The following ECD variants were observed in gnomAD, a reference collection of about 807,000 sequenced individuals.
The protein encoded by ECD is protein ecdysoneless homolog.
Under a neutral mutation model 77.2 loss-of-function variants are expected in ECD, and 59 were observed. The observed-to-expected ratio is 0.76, with a 90% CI of 0.62 to 0.95. The LOEUF is 0.95. Among genes scored for constraint, ECD ranks in the 40% least tolerant of loss-of-function variants. The pLI, the probability that ECD is intolerant of heterozygous loss-of-function variation, is 0.00. For missense variants in ECD, 704 were observed against 763.4 expected (o/e 0.92, Z 0.92); for synonymous variants, 233 against 267.4 (o/e 0.87, Z 1.26).
At chr10:73,140,893 T>C (rs1364391557) in intron 9 of ECD, among the ~76,000 whole-genome samples, 2 of 151,446 alleles carry the variant, frequency 1.3e-5, no homozygotes, top group East Asian at 1.9e-4. Context: ...ATAGTACATA[T>C]ACATATAAAA....
chr10:73,138,014 T>G lies in ECD; in HGVS notation c.1478A>C (p.Asp493Ala), dbSNP rs1262544427. The change falls in exon 12 of 14, where the codon GAT (aspartate) becomes GCT (alanine). Residue 493 changes from aspartate (D) to alanine (A), a missense_variant. Coordinates refer to ENST00000372979, the MANE Select transcript of ECD (RefSeq NM_007265.3). ...FDADSFLNYF[D>A]KILGPRPNES... is the part of the protein sequence containing the mutation. ...ACACCACTACTTACCTAAAATCTTATCAAAATAATTAAGAAAAGAATCTGC... is the reference window on the plus strand; with the variant it reads ...ACACCACTACTTACCTAAAATCTTAGCAAAATAATTAAGAAAAGAATCTGC... The G allele has an allele frequency of 1.9e-6, 3 of 1,595,560 alleles. No individual in the cohort carries two copies. In the Admixed American group the frequency reaches 5.3e-5, roughly 28 times the overall value.
At chr10:73,143,817 C>T (rs1319200283) in intron 9 of ECD, among the ~76,000 whole-genome samples, 25 of 137,890 alleles carry the variant, frequency 1.8e-4, no homozygotes, top group East Asian at 1.1e-3. Flanking sequence ...CATTACTGTA[C>T]GTATTTATAA....
chr10:73,167,550 C>G (rs1051713332), intron 1 of ECD, among the ~76,000 whole-genome samples: 1 of 152,084 alleles, frequency 6.6e-6, no homozygotes, highest in African/African-American at 2.4e-5. Context: ...CGTAAGGAAC[C>G]TGCTTCTTCT....
At chr10:73,160,326 A>C in intron 3 of ECD, 108 bp downstream of exon 3, 1 of 718,480 alleles carries the variant, frequency 1.4e-6, no homozygotes, top group Non-Finnish European at 2.1e-6. Context: ...AAATCTGTAC[A>C]ATTTCCAGCA....
Position 73,163,784 on chromosome 10 carries a change from G to A in ECD, c.154C>T (p.Pro52Ser), listed in dbSNP as rs1251394681. The change falls in exon 2 of 14, where the codon CCC (proline) becomes TCC (serine). Residue 52 changes from proline (P) to serine (S), a missense_variant. Coordinates refer to ENST00000372979, the MANE Select transcript of ECD (RefSeq NM_007265.3). ...AAAGGCTGATTCTGCCAGATGTAGG[G>A]GACCAGCATAGGTGCAAACCGAGTG... ...IITRFAPMLV[P>S]YIWQNQPFNL... is the part of the protein sequence containing the mutation. 1 of 1,614,100 alleles carries A rather than the reference G, an allele frequency of 6.2e-7. No individual in the cohort carries two copies. The highest frequency in any genetic ancestry group is 8.5e-7 in the Non-Finnish European group (1 of 1,180,036).
chr10:73,134,912 T>C (rs758323146), intron 13 of ECD, 99 bp from the exon 14 acceptor site: 168 of 1,049,988 alleles, frequency 1.6e-4, no homozygotes, highest in Non-Finnish European at 2.2e-4. Flanking sequence ...TAAATTTGCA[T>C]TCCAAATTAA....
intron 13 of ECD, among the ~76,000 whole-genome samples, chr10:73,136,284 G>A (rs1279969866): frequency 1.3e-5 from 2 of 152,128 alleles, no homozygotes; most frequent in East Asian, 1.9e-4. Context: ...TTAAGATCCT[G>A]TTTATTTACT....
In ECD at chr10:73,140,272, C is replaced by T. The variant is rs150801530; in HGVS notation, c.1128-535G>A. Among the ~76,000 whole-genome samples the T allele has an allele frequency of 9.9e-5, 15 of 151,798 alleles. No homozygotes were observed. In the East Asian group the frequency reaches 2.1e-3, roughly 22 times the overall value. On this transcript the variant is annotated intron_variant, in intron 9 of 13. Coordinates refer to ENST00000372979, the MANE Select transcript of ECD (RefSeq NM_007265.3). ...TGCTGGGATTACAGACATGAGCCAC[C>T]GCACCCAGCCTTCTAATTTGTTTTT...
chr10:73,137,573 A>C (rs1308402411), intron 12 of ECD, among the ~76,000 whole-genome samples: 2 of 152,106 alleles, frequency 1.3e-5, no homozygotes, highest in African/African-American at 4.8e-5. Flanking sequence ...CAGGAGATCG[A>C]GACCATCCTG....
At chr10:73,144,490 AAAT>A (rs1198290255) in intron 9 of ECD, among the ~76,000 whole-genome samples, 2 of 152,024 alleles carry the variant, frequency 1.3e-5, no homozygotes, top group South Asian at 2.1e-4. Flanking sequence ...ACTCTATCTC[AAAT>A]AATAATAATA....
chr10:73,138,139 G>A lies in ECD; in HGVS notation c.1422-69C>T. On this transcript the variant is annotated intron_variant, in intron 11 of 13. Coordinates refer to ENST00000372979, the MANE Select transcript of ECD (RefSeq NM_007265.3). The stretch of plus-strand genomic sequence containing the variant: ...AACTCTTTGAAACTTTTCTAAAGTG[G>A]TGCCATTCTTAGGAAAGCTACCAAA... 5.1e-6 allele frequency: 6 copies of A among 1,168,246 alleles called. 1 individual carries two copies. The highest frequency in any genetic ancestry group is 4.5e-6 in the Non-Finnish European group (4 of 881,180). The allele number at this position is 1,168,246 out of a possible 1,614,324, so 72.4% of individuals were successfully genotyped here.
intron 9 of ECD, among the ~76,000 whole-genome samples, chr10:73,142,244 G>A (rs1057350921): frequency 2.6e-5 from 4 of 151,920 alleles, no homozygotes; most frequent in African/African-American, 9.7e-5. Context: ...CCTGACCTCA[G>A]GTGATTCACC....
chr10:73,138,869 A>T (rs1473054681), intron 11 of ECD, among the ~76,000 whole-genome samples: 1 of 152,074 alleles, frequency 6.6e-6, no homozygotes, highest in East Asian at 1.9e-4. Flanking sequence ...CCAGCCTACA[A>T]GTAATAATTC....
At chr10:73,137,566 G>A (rs1842991267) in intron 12 of ECD, among the ~76,000 whole-genome samples, 1 of 152,072 alleles carries the variant, frequency 6.6e-6, no homozygotes, top group Non-Finnish European at 1.5e-5. Context: ...ATGAGGTCAG[G>A]AGATCGAGAC....
At chr10:73,137,511 C>CA (rs1328690798) in intron 12 of ECD, among the ~76,000 whole-genome samples, 2 of 152,192 alleles carry the variant, frequency 1.3e-5, no homozygotes, top group Non-Finnish European at 2.9e-5. Flanking sequence ...CACGGTGGCT[C>CA]ACGCCTGTAA....
chr10:73,150,360 T>C (rs1310883389), intron 7 of ECD, among the ~76,000 whole-genome samples: 4 of 152,194 alleles, frequency 2.6e-5, no homozygotes, highest in African/African-American at 4.8e-5. Flanking sequence ...TTATACCTTA[T>C]ACAAAAATTA....
intron 13 of ECD, 108 bp from the exon 14 acceptor site, chr10:73,134,921 A>T: frequency 2.1e-6 from 2 of 952,554 alleles, no homozygotes; most frequent in Non-Finnish European, 3.1e-6. Flanking sequence ...ATTCCAAATT[A>T]AAAAGGAAAC....
chr10:73,136,052 G>A (rs974207308), intron 13 of ECD, among the ~76,000 whole-genome samples: 5 of 152,118 alleles, frequency 3.3e-5, no homozygotes, highest in African/African-American at 1.2e-4. Context: ...AGGATTACTG[G>A]TTTATAGATA....
chr10:73,148,334 G>C lies in ECD; in HGVS notation c.983C>G (p.Thr328Ser). 26 of 1,613,940 alleles carry C rather than the reference G, an allele frequency of 1.6e-5. No individual in the cohort carries two copies. The highest frequency in any genetic ancestry group is 2.2e-5 in the Non-Finnish European group (26 of 1,179,904). ...HFSDCKKSLV[T>S]ASPLWASFLE... ...GAAACTGGCCCAGAGTGGTGAGGCA[G>C]TCACAAGGGATTTCTTGCAGTCAGA... The change falls in exon 8 of 14, where the codon ACT becomes AGT. Residue 328 changes from threonine (T) to serine (S), a missense_variant. Thr to Ser is a moderately conservative substitution (Grantham distance 58). Around this residue, in one of 3 missense-constraint regions of ECD, gnomAD observed 559 missense variants for 583.7 expected, o/e 0.96. Transcript: ENST00000372979.
Sources: allele counts gnomAD v4.1 joint callset (sites outside exome capture counted in the v4.1 genomes callset), GRCh38; gene constraint gnomAD v4.1.1; regional missense constraint gnomAD v4.1.1; transcripts MANE v1.5; gene names NCBI Gene and HGNC (gene_info 2026-07-23, HGNC 2026-07-21).